Variants in BBS9 observed in about 807,000 individuals in gnomAD.
BBS9 encodes Bardet-Biedl syndrome 9.
A neutral mutation model predicts 117.7 loss-of-function variants in BBS9; 89 were observed. That is an observed-to-expected ratio of 0.76 (90% CI 0.64 to 0.90). The LOEUF (loss-of-function observed/expected upper bound fraction) is 0.90. Among genes scored for constraint, BBS9 ranks in the 40% least tolerant of loss-of-function variants. The probability of loss-of-function intolerance (pLI) is 0.00; values close to 1 mark genes in which losing one functional copy is unlikely to be tolerated. For synonymous variants in BBS9, 379 were observed against 370.9 expected (o/e 1.02, Z -0.25); for missense variants, 982 against 1,042.2 (o/e 0.94, Z 0.80).
chr7:33,408,286 C>T (rs555773488), intron 19 of BBS9, among the ~76,000 whole-genome samples: 24 of 152,216 alleles, frequency 1.6e-4, no homozygotes, highest in African/African-American at 4.3e-4. Context: ...CTAAGCCCGT[C>T]GGAAAAGTGC....
chr7:33,516,629 C>T (rs1184878196), intron 20 of BBS9, among the ~76,000 whole-genome samples: 1 of 151,698 alleles, frequency 6.6e-6, no homozygotes, highest in Non-Finnish European at 1.5e-5. Flanking sequence ...TAGAAAAAGG[C>T]AAGTCCATGA....
chr7:33,612,487 C>G lies in BBS9; in HGVS notation c.2522-22690C>G, dbSNP rs141774501. Among the ~76,000 whole-genome samples the G allele has an allele frequency of 2.3e-3, 344 of 152,100 alleles. 2 individuals are homozygous for G. The highest frequency in any genetic ancestry group is 7.8e-3 in the African/African-American group (324 of 41,522). ...GCCATCTGGATCTGGTCCTCCCTTT[C>G]CATTTCAGTAACAGTGATGTACTTT... is the stretch of plus-strand genomic sequence containing the variant. On this transcript the variant is annotated intron_variant, in intron 21 of 21. Transcript: ENST00000671952.
At chr7:33,336,229 G>A (rs973350316) in intron 9 of BBS9, among the ~76,000 whole-genome samples, 4 of 151,992 alleles carry the variant, frequency 2.6e-5, no homozygotes, top group African/African-American at 4.8e-5. Flanking sequence ...CTTTTTTCCC[G>A]GCCTTAGTGG....
At chr7:33,507,050 C>T (rs998152868) in intron 20 of BBS9, among the ~76,000 whole-genome samples, 12 of 152,270 alleles carry the variant, frequency 7.9e-5, no homozygotes, top group Admixed American at 3.9e-4. Flanking sequence ...TGTTCTAAAT[C>T]TCTCTTCTGT....
chr7:33,559,175 G>A (rs368001278), intron 21 of BBS9, among the ~76,000 whole-genome samples: 2 of 152,184 alleles, frequency 1.3e-5, no homozygotes, highest in African/African-American at 4.8e-5. Context: ...ACTTATCTTC[G>A]TAGATGATTT....
rs1329996453 is a variant in BBS9, at chr7:33,146,301, A to G, written c.49A>G (p.Lys17Glu). Reference protein sequence around the residue: ...RDWWSTILGDKEEFDQGCLCL... With the variant: ...RDWWSTILGDEEEFDQGCLCL... Reference sequence around the variant, plus strand: ...TTGGTGGTCTACTATTCTGGGAGATAAAGAAGAATTTGATCAAGGCTGTTT... The same window carrying G: ...TTGGTGGTCTACTATTCTGGGAGATGAAGAAGAATTTGATCAAGGCTGTTT... Residue 17 changes from lysine (K) to glutamate (E), a missense_variant, in exon 2 of 23, where the codon AAA becomes GAA. By Grantham distance (56) the Lys-to-Glu change is moderately conservative. Transcript: ENST00000242067. 5.0e-6 allele frequency: 8 copies of G among 1,614,026 alleles called. No homozygotes were observed. The highest frequency in any genetic ancestry group is 5.9e-6 in the Non-Finnish European group (7 of 1,179,986).
At chr7:33,289,560 T>A (rs1359437776) in intron 9 of BBS9, among the ~76,000 whole-genome samples, 1 of 152,222 alleles carries the variant, frequency 6.6e-6, no homozygotes, top group Non-Finnish European at 1.5e-5. Flanking sequence ...TGGTAGTGTT[T>A]GCATTTCAGA....
At chr7:33,199,996 A>G in intron 5 of BBS9, among the ~76,000 whole-genome samples, 1 of 152,028 alleles carries the variant, frequency 6.6e-6, no homozygotes, top group East Asian at 1.9e-4. Flanking sequence ...CCTACTCTCT[A>G]ATATGAGTCA....
chr7:33,561,412 G>A (rs2129114675), intron 21 of BBS9, among the ~76,000 whole-genome samples: 1 of 152,308 alleles, frequency 6.6e-6, no homozygotes, highest in South Asian at 2.1e-4. Context: ...AAAGGATGGA[G>A]GAAGAAGAAA....
intron 19 of BBS9, among the ~76,000 whole-genome samples, chr7:33,400,919 A>G (rs1426978140): frequency 1.3e-5 from 2 of 152,218 alleles, no homozygotes; most frequent in African/African-American, 2.4e-5. Context: ...TTTGACCTTA[A>G]GTGGATTTAA....
chr7:33,397,268 A>C (rs1039257588), intron 19 of BBS9, among the ~76,000 whole-genome samples: 1 of 152,242 alleles, frequency 6.6e-6, no homozygotes, highest in African/African-American at 2.4e-5. Flanking sequence ...CTACAATGAG[A>C]TACCATCTCA....
At chr7:33,528,023 AAT>A (rs1204169971) in intron 20 of BBS9, among the ~76,000 whole-genome samples, 1 of 152,230 alleles carries the variant, frequency 6.6e-6, no homozygotes, top group Non-Finnish European at 1.5e-5. Flanking sequence ...GATATAATCT[AAT>A]AAGTATTTAG....
intron 4 of BBS9, among the ~76,000 whole-genome samples, 195 bp from the exon 5 acceptor site, chr7:33,177,283 G>T (rs1233800803): frequency 6.6e-6 from 1 of 151,882 alleles, no homozygotes; most frequent in Non-Finnish European, 1.5e-5. Context: ...GTGTAATTTA[G>T]CTGAGATGTA....
At chr7:33,439,514 T>G (rs1835816093) in intron 19 of BBS9, among the ~76,000 whole-genome samples, 1 of 144,036 alleles carries the variant, frequency 6.9e-6, no homozygotes, top group African/African-American at 2.6e-5. Flanking sequence ...CTTTTTCCAC[T>G]TTTTCTCTTT....
chr7:33,526,681 C>G (rs1447014304), intron 20 of BBS9, among the ~76,000 whole-genome samples: 1 of 145,222 alleles, frequency 6.9e-6, no homozygotes. Context: ...AACCTCTTTG[C>G]CTTTGGTTTG....
At chr7:33,260,435 A>G (rs989783011) in intron 6 of BBS9, among the ~76,000 whole-genome samples, 20 of 152,248 alleles carry the variant, frequency 1.3e-4, no homozygotes, top group Middle Eastern at 3.4e-3. Context: ...CACCTCCTAG[A>G]TATATTACTG....
intron 5 of BBS9, among the ~76,000 whole-genome samples, chr7:33,208,607 G>A (rs548924936): frequency 1.3e-5 from 2 of 152,284 alleles, no homozygotes; most frequent in East Asian, 3.9e-4. Flanking sequence ...TGAAGTTTGT[G>A]GTAGTAGCAG....
chr7:33,216,058 T>C (rs1378457689), intron 5 of BBS9, among the ~76,000 whole-genome samples: 2 of 152,252 alleles, frequency 1.3e-5, no homozygotes, highest in Non-Finnish European at 2.9e-5. Flanking sequence ...TTCCTTATGC[T>C]TGGCCATTTG....
chr7:33,511,671 C>A (rs79908594), intron 20 of BBS9, among the ~76,000 whole-genome samples: 1 of 152,090 alleles, frequency 6.6e-6, no homozygotes, highest in Admixed American at 6.6e-5. Flanking sequence ...GAGACTTGGG[C>A]CTTCAGCCTT....
Sources: allele counts gnomAD v4.1 joint callset (sites outside exome capture counted in the v4.1 genomes callset), GRCh38; gene constraint gnomAD v4.1.1; transcripts MANE v1.5; gene names NCBI Gene and HGNC (gene_info 2026-07-23, HGNC 2026-07-21).